The following LMX1B variants were observed in gnomAD, a reference collection of about 807,000 sequenced individuals.
The protein encoded by LMX1B is LIM homeobox transcription factor 1-beta.
A neutral mutation model predicts 51.4 loss-of-function variants in LMX1B; 12 were observed. The observed-to-expected ratio is 0.23, with a 90% CI of 0.15 to 0.38. The LOEUF is 0.38. LMX1B is among the 10% of genes least tolerant of loss of function. The probability of loss-of-function intolerance (pLI) is 1.00; values close to 1 mark genes in which losing one functional copy is unlikely to be tolerated. For synonymous variants in LMX1B, 237 were observed against 235.4 expected, an observed-to-expected ratio of 1.01 and a Z score of -0.06; for missense variants, 445 against 571.1, an observed-to-expected ratio of 0.78 and a Z score of 2.25.
rs184024856 is a variant in LMX1B, at chr9:126,636,974, C to T, written c.326+21405C>T. On this transcript the variant is annotated intron_variant, in intron 2 of 7. Coordinates refer to ENST00000373474, the MANE Select transcript of LMX1B (RefSeq NM_001174147.2). ...ACTCCCTGGGTGGGACCCAGGAAGCCTTGGGCAAGAGGGTAGGCAGCGGTT... is the reference window on the plus strand; with the variant it reads ...ACTCCCTGGGTGGGACCCAGGAAGCTTTGGGCAAGAGGGTAGGCAGCGGTT... 4.8e-3 allele frequency among the ~76,000 whole-genome samples: 730 copies of T among 152,298 alleles called. 3 individuals are homozygous for T. Among genetic ancestry groups the T allele is most frequent in the Non-Finnish European group, 6.4e-3 (435 of 68,004 alleles).
intron 2 of LMX1B, among the ~76,000 whole-genome samples, chr9:126,619,520 G>A (rs1382824086): frequency 1.3e-5 from 2 of 152,212 alleles, no homozygotes; most frequent in Non-Finnish European, 2.9e-5. Context: ...GAAACTGCTT[G>A]GGAGGAGGAG....
intron 2 of LMX1B, among the ~76,000 whole-genome samples, chr9:126,635,503 A>T (rs1167911800): frequency 6.6e-6 from 1 of 152,228 alleles, no homozygotes; most frequent in Non-Finnish European, 1.5e-5. Context: ...CAGCACAGTC[A>T]CACACATGAC....
intron 2 of LMX1B, among the ~76,000 whole-genome samples, chr9:126,650,466 C>T (rs554963543): frequency 1.3e-5 from 2 of 152,132 alleles, no homozygotes; most frequent in Non-Finnish European, 2.9e-5. Context: ...TCCCTGGGGA[C>T]GATAAAGGGG....
intron 2 of LMX1B, among the ~76,000 whole-genome samples, chr9:126,675,832 G>A (rs1369345444): frequency 1.3e-5 from 2 of 150,200 alleles, no homozygotes; most frequent in African/African-American, 2.4e-5. Context: ...GGCGGATCAC[G>A]AGGTCAGGAG....
chr9:126,646,298 ACT>A (rs1743606702), intron 2 of LMX1B, among the ~76,000 whole-genome samples: 1 of 151,928 alleles, frequency 6.6e-6, no homozygotes, highest in South Asian at 2.1e-4. Context: ...CCACCTACCT[ACT>A]CATCCAGCCA....
At chr9:126,660,149 C>A (rs1362954015) in intron 2 of LMX1B, among the ~76,000 whole-genome samples, 16 of 102,042 alleles carry the variant, frequency 1.6e-4, no homozygotes, top group African/African-American at 2.5e-4. Context: ...GATGTCTACA[C>A]TGGCCTTAGA....
chr9:126,668,594 C>T (rs1439561972), intron 2 of LMX1B, among the ~76,000 whole-genome samples: 2 of 152,098 alleles, frequency 1.3e-5, no homozygotes, highest in Admixed American at 6.5e-5. Context: ...GCTGGGATTA[C>T]AGGCGTGCAC....
chr9:126,645,453 C>T (rs1048473195), intron 2 of LMX1B, among the ~76,000 whole-genome samples: 20 of 152,210 alleles, frequency 1.3e-4, no homozygotes. Flanking sequence ...CATCTCTAAC[C>T]CACCCCTTCT....
intron 2 of LMX1B, among the ~76,000 whole-genome samples, chr9:126,666,799 G>A (rs1163951528): frequency 6.6e-6 from 1 of 152,106 alleles, no homozygotes; most frequent in Non-Finnish European, 1.5e-5. Flanking sequence ...AAGGAGGCCT[G>A]GGCAGGGCAG....
chr9:126,637,083 G>C (rs1373021636), intron 2 of LMX1B, among the ~76,000 whole-genome samples: 3 of 152,254 alleles, frequency 2.0e-5, no homozygotes, highest in Admixed American at 1.3e-4. Flanking sequence ...CTTAGCTTTT[G>C]TGCCAGTGCT....
Position 126,670,473 on chromosome 9 carries a change from G to A in LMX1B, c.327-20363G>A, listed in dbSNP as rs577349453. On this transcript the variant is annotated intron_variant, in intron 2 of 7. Transcript: ENST00000373474. ...GGGTGCAGACGCGCTCAGATTTGCC[G>A]GCATATTGTGCTGGCATGTGTGGGC... 4.6e-5 allele frequency among the ~76,000 whole-genome samples: 7 copies of A among 152,328 alleles called. 1 individual carries two copies. The East Asian group carries it at 1.3e-3, about 29-fold the overall frequency.
rs763854563 is a variant in LMX1B, at chr9:126,693,167, C to T, written c.585C>T (p.Asp195=). The T allele has an allele frequency of 5.0e-6, 8 of 1,593,400 alleles. No homozygotes were observed. In the African/African-American group the frequency reaches 8.0e-5, roughly 16 times the overall value. The change falls in exon 4 of 8, where the codon GAC becomes GAT. Residue 195 remains aspartate, a synonymous_variant. Coordinates refer to ENST00000373474, the MANE Select transcript of LMX1B (RefSeq NM_001174147.2). Reference sequence around the variant, plus strand: ...TGAAGAGCGAGGATGAAGATGGGGACATGAAGCCGGCCAAGGGGCAGGGCA... The same window carrying T: ...TGAAGAGCGAGGATGAAGATGGGGATATGAAGCCGGCCAAGGGGCAGGGCA... ...DSVKSEDEDG[D]MKPAKGQGSQ...
intron 2 of LMX1B, among the ~76,000 whole-genome samples, chr9:126,651,035 A>T (rs1835994233): frequency 1.3e-5 from 2 of 152,094 alleles, no homozygotes; most frequent in African/African-American, 2.4e-5. Flanking sequence ...TGAGGCGGTG[A>T]TGGGGAAGGA....
rs1835351604 is a variant in LMX1B, at chr9:126,618,790, C to T, written c.326+3221C>T. On this transcript the variant is annotated intron_variant, in intron 2 of 7. Transcript: ENST00000373474. This position sits in a 1 kb window ranked among gnomAD's most constrained non-coding sequence, Gnocchi z 4.5. ...GGTGGAGAATTCCTGGAGGAGGCTC[C>T]GGAAGGGGGGAGGGTCGGTGGGAGA... Among the ~76,000 whole-genome samples, 1 of 152,146 alleles carries T rather than the reference C, an allele frequency of 6.6e-6. No homozygotes were observed. The highest frequency in any genetic ancestry group is 1.5e-5 in the Non-Finnish European group (1 of 68,014).
At chr9:126,672,960 C>A (rs1276984871) in intron 2 of LMX1B, among the ~76,000 whole-genome samples, 2 of 152,228 alleles carry the variant, frequency 1.3e-5, no homozygotes. Context: ...CAGAACGGTG[C>A]GCCTCTCGCC....
In LMX1B at chr9:126,625,692, T is replaced by C. The variant is rs910217025; in HGVS notation, c.326+10123T>C. On this transcript the variant is annotated intron_variant, in intron 2 of 7. Transcript: ENST00000373474. The surrounding 1 kb of genome is among the most constrained non-coding windows in gnomAD (Gnocchi z 5.3). ...TCTTCTCCGCCAGGCCCGTGGCGCC[T>C]TTCTCGCCACCTCCGCCGCCGCCGC... 5.9e-5 allele frequency among the ~76,000 whole-genome samples: 9 copies of C among 152,254 alleles called. No homozygotes were observed. Among genetic ancestry groups the C allele is most frequent in the African/African-American group, 2.2e-4 (9 of 41,564 alleles).
rs1365061802 is a variant in LMX1B at position 126,671,043 on chromosome 9, G to C, written c.327-19793G>C. On this transcript the variant is annotated intron_variant, in intron 2 of 7. Coordinates refer to ENST00000373474, the MANE Select transcript of LMX1B (RefSeq NM_001174147.2). The surrounding 1 kb of genome is among the most constrained non-coding windows in gnomAD (Gnocchi z 4.4). ...AGTGCAGGACAGATACACAGCCAGG[G>C]GCCATGCCAGGTGGCAGAGAAGGGG... is the stretch of plus-strand genomic sequence containing the variant. Among the ~76,000 whole-genome samples the C allele has an allele frequency of 1.3e-5, 2 of 152,124 alleles. No individual in the cohort carries two copies. Among genetic ancestry groups the C allele is most frequent in the Non-Finnish European group, 2.9e-5 (2 of 68,040 alleles).
chr9:126,615,428 C>T lies in LMX1B; in HGVS notation c.185C>T (p.Pro62Leu). 1 of 1,608,542 alleles carries T rather than the reference C, an allele frequency of 6.2e-7. No homozygotes were observed. Residue 62 changes from proline to leucine, a missense_variant, in exon 2 of 8, where the codon CCC (proline) becomes CTC (leucine). Pro to Leu is a moderately conservative substitution (Grantham distance 98, BLOSUM62 -3). Transcript: ENST00000373474. This position sits in a 1 kb window ranked among gnomAD's most constrained non-coding sequence, Gnocchi z 6.0. ...HPAVCEGCQR[P>L]ISDRFLMRVN... is the part of the protein sequence containing the mutation. ...GCCGTCTGCGAGGGCTGCCAGCGGC[C>T]CATCTCCGACCGCTTCCTGATGCGA...
intron 2 of LMX1B, among the ~76,000 whole-genome samples, chr9:126,683,990 C>T (rs933385298): frequency 3.9e-5 from 6 of 152,116 alleles, no homozygotes; most frequent in East Asian, 3.9e-4. Flanking sequence ...CATCCAAGCA[C>T]GTGTCCTACG....
Sources: gnomAD v4.1 joint callset for allele counts (sites outside exome capture counted in the v4.1 genomes callset) on GRCh38, gnomAD v4.1.1 for gene constraint, Gnocchi (gnomAD v3.1) non-coding constraint, MANE v1.5 for transcripts, NCBI Gene and HGNC (gene_info 2026-07-23, HGNC 2026-07-21) for gene names.